The following PGM2 variants were observed in gnomAD, a reference collection of about 807,000 sequenced individuals.
PGM2 encodes the protein phosphopentomutase.
In PGM2, 57 loss-of-function variants were observed where a neutral mutation model predicts 74.6. The observed-to-expected ratio is 0.76, with a 90% CI of 0.62 to 0.95. The LOEUF is 0.95. PGM2 is among the 40% of genes least tolerant of loss of function. The pLI, the probability that PGM2 is intolerant of heterozygous loss-of-function variation, is 0.00. For missense variants in PGM2, 706 were observed against 741.9 expected (o/e 0.95, Z 0.56); for synonymous variants, 273 against 260.7 (o/e 1.05, Z -0.46).
rs753639036 is a variant in PGM2 at position 37,830,012 on chromosome 4, AAAG to A, written c.136_138del (p.Glu46del). On this transcript the variant is annotated inframe_deletion, in exon 2 of 14. Coordinates refer to ENST00000381967, the MANE Select transcript of PGM2 (RefSeq NM_018290.4). The stretch of plus-strand genomic sequence containing the variant: ...GAAACGACTAATAGCAGAAGGTAAT[AAAG>A]AAGAACTACGAAAATGTTTTGGGGC... 2.3e-5 allele frequency: 37 copies of A among 1,609,774 alleles called. No homozygotes were observed. The South Asian group carries it at 3.7e-4, about 16-fold the overall frequency.
Position 37,847,265 on chromosome 4 carries a change from AC to A in PGM2, c.1253del (p.Thr418MetfsTer29). On this transcript the variant is annotated frameshift_variant, in exon 10 of 14. Coordinates refer to ENST00000381967, the MANE Select transcript of PGM2 (RefSeq NM_018290.4). LOFTEE classifies it high-confidence loss of function. ...RAKQLIDQGK[T>X]VLFAFEEAIG... The stretch of plus-strand genomic sequence containing the variant: ...CAAACAGCTAATAGACCAGGGGAAA[AC>A]TGTTTTATTTGCATTTGAAGAAGCT... 6.2e-7 allele frequency: 1 copy of A among 1,613,510 alleles called. No individual in the cohort carries two copies. Among genetic ancestry groups the A allele is most frequent in the Non-Finnish European group, 8.5e-7 (1 of 1,179,442 alleles).
At chr4:37,859,976 G>A (rs1249088860) in intron 13 of PGM2, among the ~76,000 whole-genome samples, 3 of 152,134 alleles carry the variant, frequency 2.0e-5, no homozygotes, top group Admixed American at 2.0e-4. Flanking sequence ...CGATTAGGAT[G>A]GAGAATAGTA....
At chr4:37,843,121 C>T (rs548223263) in intron 6 of PGM2, among the ~76,000 whole-genome samples, 98 of 152,342 alleles carry the variant, frequency 6.4e-4, no homozygotes, top group Admixed American at 2.7e-3. Context: ...CAGAGTCTGA[C>T]TCCAGAGCGT....
chr4:37,833,230 A>G (rs1337493066), intron 2 of PGM2, among the ~76,000 whole-genome samples: 2 of 152,224 alleles, frequency 1.3e-5, no homozygotes, highest in East Asian at 1.9e-4. Flanking sequence ...GGCTCTCGCA[A>G]CAAGACTGTG....
intron 1 of PGM2, 138 bp downstream of exon 1, chr4:37,826,951 C>A (rs1212428484): frequency 3.4e-6 from 2 of 587,616 alleles, no homozygotes; most frequent in African/African-American, 4.0e-5. Context: ...GACCCAGGAG[C>A]GTACGGCCGC....
rs1276029096 is a variant in PGM2 at position 37,862,706 on chromosome 4, C to T, written c.*1094C>T. 1 of 151,948 alleles carries T rather than the reference C, an allele frequency of 6.6e-6. No homozygotes were observed. Among genetic ancestry groups the T allele is most frequent in the East Asian group, 1.9e-4 (1 of 5,182 alleles). The allele number at this position is 151,948 out of a possible 1,614,324, so 9.4% of individuals were successfully genotyped here. On this transcript the variant is annotated 3_prime_UTR_variant, in exon 14 of 14. Transcript: ENST00000381967. ...GATTGCCATTATGATTACACTCAACCTAAATAGTTATGAACAGTTTCAGAA... is the reference window on the plus strand; with the variant it reads ...GATTGCCATTATGATTACACTCAACTTAAATAGTTATGAACAGTTTCAGAA...
chr4:37,840,271 G>T lies in PGM2; in HGVS notation c.719+12G>T. The stretch of plus-strand genomic sequence containing the variant: ...TACTGTTTCCACAGGTAAATGAATT[G>T]TGTCTTCACTGACCTTAAGTGAGTT... On this transcript the variant is annotated intron_variant, in intron 6 of 13. Transcript: ENST00000381967. The T allele has an allele frequency of 6.6e-7, 1 of 1,526,180 alleles. No individual in the cohort carries two copies. The allele number at this position is 1,526,180 out of a possible 1,614,324, so 94.5% of individuals were successfully genotyped here. A position where few individuals can be genotyped will look rare whatever the true frequency, so the allele number is the denominator to read the frequency against.
chr4:37,859,608 C>T (rs1327120971), intron 13 of PGM2, among the ~76,000 whole-genome samples: 2 of 152,144 alleles, frequency 1.3e-5, no homozygotes, highest in Non-Finnish European at 1.5e-5. Flanking sequence ...ATATTAATCA[C>T]ACCTACAGGA....
In PGM2 at chr4:37,826,712, A is replaced by G. The variant is rs199500196; in HGVS notation, c.-21A>G. 1.4e-5 allele frequency: 21 copies of G among 1,541,376 alleles called. No individual in the cohort carries two copies. The East Asian group carries it at 5.2e-4, about 38-fold the overall frequency. ...GATCTCACCGCCTGCTTCCCTCTGC[A>G]GCGGTAGCACAAGCTCAGCGATGGC... On this transcript the variant is annotated 5_prime_UTR_variant, in exon 1 of 14. Coordinates refer to ENST00000381967, the MANE Select transcript of PGM2 (RefSeq NM_018290.4).
chr4:37,856,371 C>G (rs533601844), intron 13 of PGM2, among the ~76,000 whole-genome samples: 3 of 152,076 alleles, frequency 2.0e-5, no homozygotes, highest in East Asian at 1.9e-4. Context: ...GGCGACAGAG[C>G]GAGACTCCAT....
chr4:37,846,171 G>A (rs986938585), intron 8 of PGM2, among the ~76,000 whole-genome samples: 4 of 152,170 alleles, frequency 2.6e-5, no homozygotes, highest in Middle Eastern at 3.4e-3. Flanking sequence ...GTGGGGTATC[G>A]GCACAGTGTT....
At chr4:37,855,156 A>T (rs4444838) in intron 12 of PGM2, among the ~76,000 whole-genome samples, 3 of 151,986 alleles carry the variant, frequency 2.0e-5, no homozygotes, top group African/African-American at 7.3e-5. Flanking sequence ...CTGAAACTTT[A>T]GGCCCTTTGA....
intron 6 of PGM2, among the ~76,000 whole-genome samples, chr4:37,841,754 G>T (rs1350818306): frequency 1.3e-5 from 2 of 152,202 alleles, no homozygotes; most frequent in Non-Finnish European, 2.9e-5. Flanking sequence ...CGAAGAATGA[G>T]GCATTTCTGC....
intron 11 of PGM2, 105 bp downstream of exon 11, chr4:37,848,756 G>A (rs1422876137): frequency 4.5e-6 from 4 of 896,008 alleles, no homozygotes; most frequent in Non-Finnish European, 6.9e-6. Flanking sequence ...TTATTTTGGT[G>A]ATGAATTCTA....
intron 13 of PGM2, among the ~76,000 whole-genome samples, chr4:37,856,617 C>T (rs1726207238): frequency 6.6e-6 from 1 of 152,086 alleles, no homozygotes; most frequent in African/African-American, 2.4e-5. Flanking sequence ...ACATTTTGCA[C>T]CTTAACAAGC....
intron 6 of PGM2, 29 bp from the exon 7 acceptor site, chr4:37,844,335 A>G (rs1395946654): frequency 4.0e-6 from 6 of 1,492,346 alleles, no homozygotes; most frequent in Non-Finnish European, 4.6e-6. Flanking sequence ...TCTGCCTTGT[A>G]TCATTTTCCA....
intron 4 of PGM2, among the ~76,000 whole-genome samples, chr4:37,838,421 A>G (rs2152176138): frequency 1.3e-5 from 2 of 152,332 alleles, no homozygotes; most frequent in Middle Eastern, 6.8e-3. Flanking sequence ...AGCACAATCT[A>G]AAGAAGAAGA....
Position 37,848,612 on chromosome 4 carries a change from A to G in PGM2, c.1373A>G (p.Asn458Ser). The G allele has an allele frequency of 1.2e-6, 2 of 1,613,814 alleles. No homozygotes were observed. The highest frequency in any genetic ancestry group is 2.2e-5 in the South Asian group (2 of 91,078). Residue 458 changes from asparagine (N) to serine (S), a missense_variant, in exon 11 of 14, where the codon AAT becomes AGT. Asn to Ser is a conservative substitution (Grantham distance 46). Transcript: ENST00000381967. ...AELASFLATKNLSLSQQLKAI... is the reference protein window; with the variant it reads ...AELASFLATKSLSLSQQLKAI... ...TTGGCTAGCTTCCTAGCAACCAAGAATTTGTCTTTGTCTCAGCAACTAAAG... is the reference window on the plus strand; with the variant it reads ...TTGGCTAGCTTCCTAGCAACCAAGAGTTTGTCTTTGTCTCAGCAACTAAAG...
rs11432971 is a variant in PGM2, at chr4:37,831,192, C to CAA, written c.249+1081_249+1082dup. 6.8e-3 allele frequency among the ~76,000 whole-genome samples: 503 copies of CAA among 73,938 alleles called. 10 individuals carry two copies. Among genetic ancestry groups the CAA allele is most frequent in the African/African-American group, 0.024 (430 of 17,856 alleles). The allele number at this position is 73,938 out of a possible 152,430, so 48.5% of individuals were successfully genotyped here. A position where few individuals can be genotyped will look rare whatever the true frequency, so the allele number is the denominator to read the frequency against. On this transcript the variant is annotated intron_variant, in intron 2 of 13. Coordinates refer to ENST00000381967, the MANE Select transcript of PGM2 (RefSeq NM_018290.4). Reference sequence around the variant, plus strand: ...TGGGCAACAGAGCAAGACTCTGTCTCAAAAAAAAAAAAAAAAAAAAAGAAT... The same window carrying CAA: ...TGGGCAACAGAGCAAGACTCTGTCTCAAAAAAAAAAAAAAAAAAAAAAAGAAT...
Sources: gnomAD v4.1 joint callset for allele counts (sites outside exome capture counted in the v4.1 genomes callset) on GRCh38, gnomAD v4.1.1 for gene constraint, MANE v1.5 for transcripts, NCBI Gene and HGNC (gene_info 2026-07-23, HGNC 2026-07-21) for gene names.